TMEM248: variants seen among roughly 807,000 people sequenced by gnomAD.
TMEM248 encodes UPF0458 protein C7orf42.
In TMEM248, 9 loss-of-function variants were observed where a neutral mutation model predicts 30.3. That is an observed-to-expected ratio of 0.30 (90% CI 0.18 to 0.52). The LOEUF is 0.52. Ranked by LOEUF, TMEM248 falls within the 20% of genes least tolerant of loss-of-function variation. The pLI is 0.97. For missense variants in TMEM248, 338 were observed against 403.3 expected (o/e 0.84, Z 1.39); for synonymous variants, 184 against 154.4 (o/e 1.19, Z -1.42).
At chr7:66,941,621 AAG>A (rs1562941208) in intron 1 of TMEM248, among the ~76,000 whole-genome samples, 1 of 151,768 alleles carries the variant, frequency 6.6e-6, no homozygotes, top group Non-Finnish European at 1.5e-5. Flanking sequence ...TTCAAACTGA[AAG>A]AGAATATGTA....
chr7:66,944,323 T>G (rs1351775103), intron 2 of TMEM248, among the ~76,000 whole-genome samples: 2 of 151,788 alleles, frequency 1.3e-5, no homozygotes, highest in Non-Finnish European at 2.9e-5. Flanking sequence ...CAGGCTGGTC[T>G]CGAACTCCTG....
chr7:66,943,493 A>G (rs1012355889), intron 2 of TMEM248, among the ~76,000 whole-genome samples: 19 of 152,200 alleles, frequency 1.2e-4, no homozygotes, highest in Non-Finnish European at 1.0e-4. Flanking sequence ...TAGGAAAGGC[A>G]GTGGTGTATG....
chr7:66,925,480 T>C (rs1275945408), intron 1 of TMEM248, among the ~76,000 whole-genome samples: 1 of 152,170 alleles, frequency 6.6e-6, no homozygotes, highest in Non-Finnish European at 1.5e-5. Context: ...TGAGTTCCAT[T>C]GTCTTCTAGA....
intron 1 of TMEM248, among the ~76,000 whole-genome samples, chr7:66,927,409 A>G (rs1216234683): frequency 1.3e-5 from 2 of 151,100 alleles, no homozygotes; most frequent in African/African-American, 4.9e-5. Context: ...AACTAAAACT[A>G]TGCTTTCTCT....
At chr7:66,940,290 G>A (rs931065532) in intron 1 of TMEM248, among the ~76,000 whole-genome samples, 1 of 152,182 alleles carries the variant, frequency 6.6e-6, no homozygotes, top group African/African-American at 2.4e-5. Context: ...ACGTGGAAAT[G>A]TTTGGGGAAA....
At chr7:66,925,348 C>T (rs1791496004) in intron 1 of TMEM248, among the ~76,000 whole-genome samples, 1 of 152,128 alleles carries the variant, frequency 6.6e-6, no homozygotes, top group South Asian at 2.1e-4. Flanking sequence ...CCACACTGTG[C>T]AATATAACTC....
chr7:66,953,939 CTTTTTTTTTTT>C (rs34925648), intron 6 of TMEM248, among the ~76,000 whole-genome samples: 9 of 83,994 alleles, frequency 1.1e-4, no homozygotes, highest in Non-Finnish European at 1.8e-4. Context: ...AGATTACTTT[CTTTTTTTTTTT>C]TTTTTTTTTT....
At chr7:66,943,291 C>T (rs1048455049) in intron 2 of TMEM248, among the ~76,000 whole-genome samples, 1 of 152,222 alleles carries the variant, frequency 6.6e-6, no homozygotes, top group Non-Finnish European at 1.5e-5. Flanking sequence ...ATGTTGAGCA[C>T]TTGGCCAAGG....
At chr7:66,934,366 A>G (rs572873724) in intron 1 of TMEM248, among the ~76,000 whole-genome samples, 1 of 152,058 alleles carries the variant, frequency 6.6e-6, no homozygotes, top group Non-Finnish European at 1.5e-5. Context: ...ATGCCCAGCT[A>G]ATTTTTGTAT....
intron 1 of TMEM248, among the ~76,000 whole-genome samples, chr7:66,924,256 C>G (rs185764132): frequency 1.1e-4 from 17 of 152,314 alleles, no homozygotes; most frequent in Admixed American, 2.0e-4. Flanking sequence ...TTAGTGAAAT[C>G]TGGTCCATGT....
Position 66,954,236 on chromosome 7 carries a change from GC to G in TMEM248, c.924+870del, listed in dbSNP as rs113312085. Among the ~76,000 whole-genome samples the G allele has an allele frequency of 1.3e-3, 194 of 152,138 alleles. 1 individual carries two copies. The highest frequency in any genetic ancestry group is 4.5e-3 in the African/African-American group (187 of 41,520). ...TGGGATCACAGGCGTGAGCCACTGGGCCCAGCTTCTAGGTTACTTATAATAC... is the reference window on the plus strand; with the variant it reads ...TGGGATCACAGGCGTGAGCCACTGGGCCAGCTTCTAGGTTACTTATAATAC... On this transcript the variant is annotated intron_variant, in intron 6 of 6. Transcript: ENST00000341567.
At chr7:66,940,900 C>T (rs913035794) in intron 1 of TMEM248, among the ~76,000 whole-genome samples, 1 of 151,862 alleles carries the variant, frequency 6.6e-6, no homozygotes, top group Non-Finnish European at 1.5e-5. Context: ...ACATTACTGA[C>T]CCACCTAAAC....
intron 1 of TMEM248, among the ~76,000 whole-genome samples, chr7:66,933,971 T>C (rs1360246499): frequency 2.0e-5 from 3 of 151,686 alleles, no homozygotes; most frequent in Admixed American, 6.6e-5. Flanking sequence ...TTTTCTTTTT[T>C]TTTTTCCTAA....
chr7:66,949,241 C>T (rs1030529824), intron 4 of TMEM248, among the ~76,000 whole-genome samples: 1 of 152,086 alleles, frequency 6.6e-6, no homozygotes, highest in African/African-American at 2.4e-5. Context: ...AATCCCAGCA[C>T]TTTGGGAGGC....
rs571813660 is a variant in TMEM248, at chr7:66,936,999, G to A, written c.-18-4849G>A. Among the ~76,000 whole-genome samples, 21 of 152,156 alleles carry A rather than the reference G, an allele frequency of 1.4e-4. 1 individual carries two copies. The highest frequency in any genetic ancestry group is 5.1e-4 in the African/African-American group (21 of 41,524). ...TCTTGTTTTTCTAATTCTTTAAGATGCATTGCATGTTGCTTTTTTGATGTT... is the reference window on the plus strand; with the variant it reads ...TCTTGTTTTTCTAATTCTTTAAGATACATTGCATGTTGCTTTTTTGATGTT... On this transcript the variant is annotated intron_variant, in intron 1 of 6. Coordinates refer to ENST00000341567, the MANE Select transcript of TMEM248 (RefSeq NM_017994.5).
In TMEM248 at chr7:66,941,997, G is replaced by A; in HGVS notation, c.132G>A (p.Lys44=). Residue 44 remains lysine, a synonymous_variant, in exon 2 of 7, where the codon AAG becomes AAA. Coordinates refer to ENST00000341567, the MANE Select transcript of TMEM248 (RefSeq NM_017994.5). ...CCCTGGGCTACTTCTTCAAAATCAA[G>A]GAGATTAAATCCCCAGAAATGGCAG... is the stretch of plus-strand genomic sequence containing the variant. ...FLTLGYFFKI[K]EIKSPEMAED... is the part of the protein sequence containing the mutation. The A allele has an allele frequency of 2.5e-6, 4 of 1,614,132 alleles. No homozygotes were observed. Among genetic ancestry groups the A allele is most frequent in the Non-Finnish European group, 1.7e-6 (2 of 1,179,992 alleles).
intron 1 of TMEM248, among the ~76,000 whole-genome samples, chr7:66,937,470 A>G (rs968390002): frequency 5.9e-5 from 9 of 152,188 alleles, no homozygotes; most frequent in Non-Finnish European, 7.3e-5. Context: ...GTCTCCAGCT[A>G]TGATTGTACT....
rs1289119601 is a variant in TMEM248, at chr7:66,958,121, T to G, written c.*2599T>G. On this transcript the variant is annotated 3_prime_UTR_variant, in exon 7 of 7. Coordinates refer to ENST00000341567, the MANE Select transcript of TMEM248 (RefSeq NM_017994.5). ...GATTCGAAGTGTGCAACAGACGGAG[T>G]GCGCTTGCTGTTCAGGGCGGCCCCG... The G allele has an allele frequency of 6.6e-6, 1 of 152,614 alleles. No homozygotes were observed. The highest frequency in any genetic ancestry group is 1.5e-5 in the Non-Finnish European group (1 of 68,076). The allele number at this position is 152,614 out of a possible 1,614,324, so 9.5% of individuals were successfully genotyped here. A position where few individuals can be genotyped will look rare whatever the true frequency, so the allele number is the denominator to read the frequency against.
intron 1 of TMEM248, among the ~76,000 whole-genome samples, chr7:66,923,038 T>A (rs1791427504): frequency 6.6e-6 from 1 of 152,124 alleles, no homozygotes; most frequent in South Asian, 2.1e-4. Context: ...TTTCTGCCTG[T>A]AAGGAATGTA....
Sources: gnomAD v4.1 joint callset for allele counts (sites outside exome capture counted in the v4.1 genomes callset) on GRCh38, gnomAD v4.1.1 for gene constraint, MANE v1.5 for transcripts, NCBI Gene and HGNC (gene_info 2026-07-23, HGNC 2026-07-21) for gene names.